The following UNC79 variants were observed in gnomAD, a reference collection of about 807,000 sequenced individuals.
UNC79 encodes unc-79 subunit of NALCN channel complex.
Under a neutral mutation model 283.1 loss-of-function variants are expected in UNC79, and 37 were observed. The observed-to-expected ratio is 0.13, with a 90% confidence interval of 0.10 to 0.17. The LOEUF (loss-of-function observed/expected upper bound fraction) is 0.17. Among genes scored for constraint, UNC79 ranks in the 10% least tolerant of loss-of-function variants. UNC79 has a pLI of 1.00. For missense variants in UNC79, 2,272 were observed against 3,211.1 expected, an observed-to-expected ratio of 0.71 and a Z score of 7.07; for synonymous variants, 1,107 against 1,200.2, an observed-to-expected ratio of 0.92 and a Z score of 1.61.
At chr14:93,592,547 G>T (rs567279581) in intron 22 of UNC79, among the ~76,000 whole-genome samples, 1 of 152,094 alleles carries the variant, frequency 6.6e-6, no homozygotes, top group East Asian at 1.9e-4. Flanking sequence ...TAAAATTGTT[G>T]CAAATCTCCT....
intron 8 of UNC79, 38 bp downstream of exon 8, chr14:93,524,080 C>T (rs990569216): frequency 1.2e-5 from 20 of 1,608,240 alleles, no homozygotes; most frequent in South Asian, 4.4e-5. Flanking sequence ...ACTGTATTGT[C>T]AGTGGTCAAA....
chr14:93,644,119 C>T (rs1487765787), intron 34 of UNC79, among the ~76,000 whole-genome samples: 1 of 152,104 alleles, frequency 6.6e-6, no homozygotes, highest in Non-Finnish European at 1.5e-5. Context: ...AACTATGAAA[C>T]TTGGGGCATT....
upstream of UNC79, among the ~76,000 whole-genome samples, chr14:93,428,625 C>G (rs1474368576): frequency 6.6e-6 from 1 of 152,112 alleles, no homozygotes; most frequent in Non-Finnish European, 1.5e-5. Flanking sequence ...TGGGTGCTAT[C>G]AGGCTTTGGA....
chr14:93,615,741 A>AAAAAAG (rs2066667756), intron 27 of UNC79, among the ~76,000 whole-genome samples: 1 of 142,804 alleles, frequency 7.0e-6, no homozygotes, highest in African/African-American at 2.9e-5. Flanking sequence ...AAAAAAAAAA[A>AAAAAAG]AAAAGAAAAG....
chr14:93,403,715 A>AT (rs1051733430), intron 1 of UNC79, among the ~76,000 whole-genome samples: 59 of 151,852 alleles, frequency 3.9e-4, no homozygotes, highest in Non-Finnish European at 8.4e-4. Flanking sequence ...GATTAAAAAA[A>AT]TTTTTTTTTA....
chr14:93,558,488 G>A (rs1216316632), intron 14 of UNC79, among the ~76,000 whole-genome samples: 11 of 151,494 alleles, frequency 7.3e-5, no homozygotes, highest in African/African-American at 9.7e-5. Context: ...CCCCGGAGGC[G>A]GAGCTTGCAT....
intron 1 of UNC79, among the ~76,000 whole-genome samples, chr14:93,440,326 G>A (rs1391715109): frequency 6.6e-6 from 1 of 152,010 alleles, no homozygotes; most frequent in Non-Finnish European, 1.5e-5. Context: ...TGTCTCTCCT[G>A]CCCCCTTTAA....
At chr14:93,620,444 T>A in intron 29 of UNC79, among the ~76,000 whole-genome samples, 1 of 151,754 alleles carries the variant, frequency 6.6e-6, no homozygotes, top group South Asian at 2.1e-4. Context: ...TAAAGGCAGA[T>A]TTTTTTTTCT....
In UNC79 at chr14:93,706,649, C is replaced by A. The variant is rs1222533907; in HGVS notation, c.7591-55C>A. The A allele has an allele frequency of 3.7e-6, 6 of 1,604,812 alleles. No homozygotes were observed. The African/African-American group carries it at 8.0e-5, about 21-fold the overall frequency. ...GCAAGAAGCCGCCCGGGTCGACACT[C>A]CCTGGGTTGCCCGTGAAAAGAAATA... On this transcript the variant is annotated intron_variant, in intron 48 of 48. Coordinates refer to ENST00000555664, the Ensembl canonical transcript of UNC79.
At chr14:93,695,332 C>G (rs961002792) in intron 47 of UNC79, among the ~76,000 whole-genome samples, 8 of 152,340 alleles carry the variant, frequency 5.3e-5, no homozygotes, top group Admixed American at 3.3e-4. Context: ...ACATTTGTCA[C>G]ATTCACTCAC....
At chr14:93,668,978 TAAAAAAAAA>T (rs543609091) in intron 40 of UNC79, among the ~76,000 whole-genome samples, 1 of 79,898 alleles carries the variant, frequency 1.3e-5, no homozygotes, top group South Asian at 4.6e-4. Flanking sequence ...GAACATTGTC[TAAAAAAAAA>T]AAAAAAAAAA....
intron 7 of UNC79, among the ~76,000 whole-genome samples, chr14:93,502,505 A>C (rs1411993468): frequency 6.6e-6 from 1 of 152,238 alleles, no homozygotes; most frequent in Non-Finnish European, 1.5e-5. Context: ...TGTTTAAAAA[A>C]AATGCAAAAA....
intron 12 of UNC79, among the ~76,000 whole-genome samples, chr14:93,539,435 C>T (rs1200524665): frequency 1.3e-5 from 2 of 151,342 alleles, no homozygotes; most frequent in South Asian, 4.2e-4. Flanking sequence ...GCAGGATAAT[C>T]GCTTGAACCT....
At chr14:93,638,698 T>C (rs1039326452) in intron 32 of UNC79, among the ~76,000 whole-genome samples, 2 of 152,196 alleles carry the variant, frequency 1.3e-5, no homozygotes, top group Non-Finnish European at 2.9e-5. Flanking sequence ...ACTTCAGCTA[T>C]TCAGAAGGGG....
intron 20 of UNC79, among the ~76,000 whole-genome samples, chr14:93,584,370 G>T (rs1307792902): frequency 6.6e-6 from 1 of 152,196 alleles, no homozygotes; most frequent in African/African-American, 2.4e-5. Context: ...CCAGCTTCAA[G>T]TCTGGGTATC....
chr14:93,443,099 C>T (rs1245248750), intron 1 of UNC79, among the ~76,000 whole-genome samples: 2 of 152,058 alleles, frequency 1.3e-5, no homozygotes, highest in East Asian at 3.9e-4. Context: ...TAGTGCATGC[C>T]TGTAGTCCCA....
chr14:93,688,954 T>A lies in UNC79; in HGVS notation c.7085+114T>A. 1 of 1,177,450 alleles carries A rather than the reference T, an allele frequency of 8.5e-7. No homozygotes were observed. The highest frequency in any genetic ancestry group is 2.0e-5 in the South Asian group (1 of 50,956). 72.9% of individuals were successfully genotyped at this position (1,177,450 alleles called of 1,614,324 possible). A position where few individuals can be genotyped will look rare whatever the true frequency, so the allele number is the denominator to read the frequency against. ...ACCGAAGATTTATGACAGTGGAATA[T>A]ACTTGGTTAGGAAGATGGAAATCAG... On this transcript the variant is annotated intron_variant, in intron 44 of 48. Coordinates refer to ENST00000555664, the Ensembl canonical transcript of UNC79. The surrounding 1 kb of genome is among the most constrained non-coding windows in gnomAD (Gnocchi z 4.0).
chr14:93,590,272 A>T (rs576494932), intron 22 of UNC79, among the ~76,000 whole-genome samples: 2 of 152,310 alleles, frequency 1.3e-5, no homozygotes, highest in Admixed American at 6.5e-5. Flanking sequence ...GAAGCATACC[A>T]TGAGAAAGGT....
At chr14:93,650,384 T>C (rs2070117740) in intron 35 of UNC79, among the ~76,000 whole-genome samples, 1 of 152,222 alleles carries the variant, frequency 6.6e-6, no homozygotes, top group Admixed American at 6.5e-5. Context: ...CAGAAACTAC[T>C]GGAACTTCTC....
Sources: gnomAD v4.1 joint callset for allele counts (sites outside exome capture counted in the v4.1 genomes callset) on GRCh38, gnomAD v4.1.1 for gene constraint, Gnocchi (gnomAD v3.1) non-coding constraint, MANE v1.5 for transcripts, NCBI Gene and HGNC (gene_info 2026-07-23, HGNC 2026-07-21) for gene names.